The following E2F3 variants were observed in gnomAD, a reference collection of about 807,000 sequenced individuals.
E2F3 encodes the protein transcription factor E2F3.
In E2F3, 11 loss-of-function variants were observed where a neutral mutation model predicts 44.4. The ratio of observed to expected loss-of-function variants is 0.25; its 90% CI spans 0.16 to 0.41. The LOEUF (loss-of-function observed/expected upper bound fraction) is 0.41. Among genes scored for constraint, E2F3 ranks in the 10% least tolerant of loss-of-function variants. E2F3 has a pLI of 1.00. For synonymous variants in E2F3, 249 were observed against 253.0 expected (o/e 0.98, Z 0.15); for missense variants, 487 against 583.6 (o/e 0.83, Z 1.70).
At chr6:20,459,899 C>T (rs1761441245) in intron 1 of E2F3, among the ~76,000 whole-genome samples, 1 of 152,138 alleles carries the variant, frequency 6.6e-6, no homozygotes, top group East Asian at 1.9e-4. Flanking sequence ...TGCACCACTG[C>T]ACTCCAGCCT....
chr6:20,416,721 A>G (rs1759858421), intron 1 of E2F3, among the ~76,000 whole-genome samples: 2 of 152,168 alleles, frequency 1.3e-5, no homozygotes, highest in South Asian at 4.1e-4. Flanking sequence ...GGGAAAAGAA[A>G]GGAGTAGGGG....
intron 1 of E2F3, among the ~76,000 whole-genome samples, chr6:20,453,079 T>G (rs755455558): frequency 3.9e-5 from 6 of 152,196 alleles, no homozygotes; most frequent in Non-Finnish European, 5.9e-5. Context: ...TTCTTGCTCT[T>G]TTTCTTGTTG....
intron 1 of E2F3, among the ~76,000 whole-genome samples, chr6:20,416,584 A>C (rs1397834221): frequency 6.6e-6 from 1 of 152,152 alleles, no homozygotes; most frequent in Non-Finnish European, 1.5e-5. Context: ...GAAAGTTTTC[A>C]GGTTGTACTC....
At chr6:20,479,743 C>A in intron 1 of E2F3, 103 bp from the exon 2 acceptor site, 1 of 904,538 alleles carries the variant, frequency 1.1e-6, no homozygotes, top group Non-Finnish European at 1.7e-6. Flanking sequence ...GGGGTGAGAG[C>A]TGGCATGAGC....
intron 1 of E2F3, among the ~76,000 whole-genome samples, chr6:20,479,380 C>T (rs1226520310): frequency 6.6e-6 from 1 of 152,126 alleles, no homozygotes; most frequent in African/African-American, 2.4e-5. Flanking sequence ...TACAGTAATA[C>T]CGAATAAGTG....
intron 2 of E2F3, among the ~76,000 whole-genome samples, chr6:20,480,212 A>T (rs530972783): frequency 6.6e-6 from 1 of 152,190 alleles, no homozygotes; most frequent in East Asian, 1.9e-4. Flanking sequence ...CGGAATACGA[A>T]CTTTTGGCAC....
At position 20,492,607 on chromosome 6, in the gene E2F3, T is replaced by C; in HGVS notation, c.*2177T>C. The C allele has an allele frequency of 4.3e-6, 1 of 232,500 alleles. No homozygotes were observed. Among genetic ancestry groups the C allele is most frequent in the Non-Finnish European group, 8.5e-6 (1 of 117,232 alleles). 14.4% of individuals were successfully genotyped at this position (232,500 alleles called of 1,614,324 possible). On this transcript the variant is annotated 3_prime_UTR_variant, in exon 7 of 7. Coordinates refer to ENST00000346618, the MANE Select transcript of E2F3 (RefSeq NM_001949.5). The stretch of plus-strand genomic sequence containing the variant: ...TGCCAGCTGCACAAAGCTGATTTTT[T>C]CCAAAGTCTAAAGACTGAGCTCACC...
chr6:20,416,459 C>T (rs1759848906), intron 1 of E2F3, among the ~76,000 whole-genome samples: 1 of 152,180 alleles, frequency 6.6e-6, no homozygotes, highest in Admixed American at 6.5e-5. Flanking sequence ...GAAGATTTTG[C>T]CACATCATAA....
At chr6:20,417,601 A>C (rs952127792) in intron 1 of E2F3, among the ~76,000 whole-genome samples, 1 of 151,524 alleles carries the variant, frequency 6.6e-6, no homozygotes, top group South Asian at 2.1e-4. Context: ...AAAAAAAAAA[A>C]AAGGCCCAGA....
At chr6:20,445,917 G>C (rs1581609436) in intron 1 of E2F3, among the ~76,000 whole-genome samples, 1 of 152,216 alleles carries the variant, frequency 6.6e-6, no homozygotes. Context: ...AGCAGCTCAG[G>C]GTGCAAGGCA....
chr6:20,428,471 C>T (rs539468781), intron 1 of E2F3, among the ~76,000 whole-genome samples: 2 of 152,294 alleles, frequency 1.3e-5, no homozygotes, highest in Admixed American at 6.5e-5. Flanking sequence ...GATCCACCTG[C>T]CTCGGCCTCC....
At chr6:20,418,752 C>T (rs1759930537) in intron 1 of E2F3, among the ~76,000 whole-genome samples, 1 of 152,122 alleles carries the variant, frequency 6.6e-6, no homozygotes, top group Admixed American at 6.5e-5. Flanking sequence ...TACTGCTAGC[C>T]ACTTATGGAG....
At chr6:20,464,464 T>C (rs1761635443) in intron 1 of E2F3, among the ~76,000 whole-genome samples, 1 of 152,200 alleles carries the variant, frequency 6.6e-6, no homozygotes, top group Non-Finnish European at 1.5e-5. Flanking sequence ...CCATCCCCAT[T>C]ACAGTGTTCC....
rs188572163 is a variant in E2F3, at chr6:20,479,579, C to G, written c.394-267C>G. The stretch of plus-strand genomic sequence containing the variant: ...TGTGTTGAATCAATGAACAAAGTGA[C>G]TCCTGAACCTAATGCTGAAGGATCG... On this transcript the variant is annotated intron_variant, in intron 1 of 6. Transcript: ENST00000346618. 3.9e-5 allele frequency among the ~76,000 whole-genome samples: 6 copies of G among 152,366 alleles called. No individual in the cohort carries two copies. The East Asian group carries it at 1.2e-3, about 29-fold the overall frequency.
chr6:20,462,296 T>C (rs2127607804), intron 1 of E2F3, among the ~76,000 whole-genome samples: 2 of 152,298 alleles, frequency 1.3e-5, no homozygotes, highest in South Asian at 4.1e-4. Context: ...ATTTTATTTT[T>C]CCGATACACA....
At chr6:20,435,673 T>G (rs1760549990) in intron 1 of E2F3, among the ~76,000 whole-genome samples, 1 of 152,066 alleles carries the variant, frequency 6.6e-6, no homozygotes, top group Non-Finnish European at 1.5e-5. Flanking sequence ...ATTGCTTGAA[T>G]TCGGGAGGTG....
chr6:20,427,560 C>T (rs377630896), intron 1 of E2F3, among the ~76,000 whole-genome samples: 2 of 152,160 alleles, frequency 1.3e-5, no homozygotes, highest in African/African-American at 4.8e-5. Context: ...CCCCCTTCTG[C>T]TCAGACCTTC....
intron 1 of E2F3, among the ~76,000 whole-genome samples, chr6:20,453,781 T>C (rs1561868370): frequency 6.6e-6 from 1 of 152,196 alleles, no homozygotes; most frequent in Non-Finnish European, 1.5e-5. Context: ...TTCCTCCCAC[T>C]GAAGTGCCAC....
At position 20,493,266 on chromosome 6, in the gene E2F3, G is replaced by A. The variant is rs568802323; in HGVS notation, c.*2836G>A. ...TCTTGTTTTCATTTTTGTTGTACGTGTAGATCTGTAAATAAAATTGCAGTA... is the reference window on the plus strand; with the variant it reads ...TCTTGTTTTCATTTTTGTTGTACGTATAGATCTGTAAATAAAATTGCAGTA... On this transcript the variant is annotated 3_prime_UTR_variant, in exon 7 of 7. Transcript: ENST00000346618. 2.7e-5 allele frequency: 6 copies of A among 225,218 alleles called. No homozygotes were observed. Among genetic ancestry groups the A allele is most frequent in the Middle Eastern group, 1.4e-3 (1 of 736 alleles). 14.0% of individuals were successfully genotyped at this position (225,218 alleles called of 1,614,324 possible). A position where few individuals can be genotyped will look rare whatever the true frequency, so the allele number is the denominator to read the frequency against.
Sources: allele counts gnomAD v4.1 joint callset (sites outside exome capture counted in the v4.1 genomes callset), GRCh38; gene constraint gnomAD v4.1.1; transcripts MANE v1.5; gene names NCBI Gene and HGNC (gene_info 2026-07-23, HGNC 2026-07-21).